Variants in GPATCH2 observed in about 807,000 individuals in gnomAD.
GPATCH2 encodes G patch domain-containing protein 2.
Under a neutral mutation model 58.0 loss-of-function variants are expected in GPATCH2, and 51 were observed. That is an observed-to-expected ratio of 0.88 (90% CI 0.70 to 1.11). The LOEUF (loss-of-function observed/expected upper bound fraction) is 1.11, where lower values mean the gene tolerates loss of function less well. Ranked by LOEUF, GPATCH2 falls within the 50% of genes most tolerant of loss-of-function variation. The pLI is 0.00. For missense variants in GPATCH2, 625 were observed against 652.2 expected, an observed-to-expected ratio of 0.96 and a Z score of 0.45; for synonymous variants, 222 against 218.5, an observed-to-expected ratio of 1.02 and a Z score of -0.14.
chr1:217,572,459 T>C lies in GPATCH2; in HGVS notation c.1098+37862A>G, dbSNP rs112403989. Among the ~76,000 whole-genome samples, 1,055 of 152,290 alleles carry C rather than the reference T, an allele frequency of 6.9e-3. 6 individuals carry two copies. The highest frequency in any genetic ancestry group is 0.011 in the Non-Finnish European group (731 of 68,020). On this transcript the variant is annotated intron_variant, in intron 5 of 9. Coordinates refer to ENST00000366935, the MANE Select transcript of GPATCH2 (RefSeq NM_018040.5). ...CAAGAATAACTTCAATCTGTAAAAA[T>C]GTATTATCTAGTTTTCAGGCTTCGT...
intron 1 of GPATCH2, among the ~76,000 whole-genome samples, chr1:217,626,986 A>G (rs1284974463): frequency 2.9e-5 from 4 of 138,430 alleles, no homozygotes; most frequent in South Asian, 2.1e-4. Context: ...TTCTCTAGGG[A>G]AAAAAAAAAG....
chr1:217,431,290 G>A lies in GPATCH2; in HGVS notation c.1442C>T (p.Thr481Met), dbSNP rs144680521. ...GNRMLQNMGW[T>M]PGSGLGRDGK... ...ATCTCGTCCAAGGCCTGACCCAGGC[G>A]TCCAGCCCATATTCTGAAGCATTCG... The change falls in exon 10 of 10, where the codon ACG becomes ATG. Residue 481 changes from threonine (T) to methionine (M), a missense_variant. Coordinates refer to ENST00000366935, the MANE Select transcript of GPATCH2 (RefSeq NM_018040.5). 8,585 of 1,607,328 alleles carry A rather than the reference G, an allele frequency of 5.3e-3. 26 individuals carry two copies. Among genetic ancestry groups the A allele is most frequent in the Non-Finnish European group, 6.4e-3 (7,457 of 1,173,770 alleles).
chr1:217,465,737 C>A (rs1571749670), intron 8 of GPATCH2, among the ~76,000 whole-genome samples: 1 of 152,136 alleles, frequency 6.6e-6, no homozygotes, highest in East Asian at 1.9e-4. Flanking sequence ...TCTTTCTTCC[C>A]AGTCTTGGGT....
chr1:217,449,273 G>A lies in GPATCH2; in HGVS notation c.1342C>T (p.Pro448Ser), dbSNP rs1470177750. The A allele has an allele frequency of 6.2e-7, 1 of 1,605,072 alleles. No homozygotes were observed. Residue 448 changes from proline (P) to serine (S), a missense_variant, in exon 9 of 10, where the codon CCT becomes TCT. Coordinates refer to ENST00000366935, the MANE Select transcript of GPATCH2 (RefSeq NM_018040.5). ...GDIKRRRKAA[P>S]LPGPTTAGFV... ...CCTGCAGTAGTAGGTCCAGGCAAAG[G>A]TGCAGCTTTTCTTCTCCGTTTGATA...
intron 6 of GPATCH2, among the ~76,000 whole-genome samples, chr1:217,514,046 C>T (rs1276621117): frequency 1.3e-5 from 2 of 151,834 alleles, no homozygotes; most frequent in Admixed American, 6.6e-5. Context: ...AGGCTGGTCT[C>T]GAACTCATGA....
At chr1:217,497,921 C>A (rs188147721) in intron 7 of GPATCH2, among the ~76,000 whole-genome samples, 2 of 152,278 alleles carry the variant, frequency 1.3e-5, no homozygotes, top group African/African-American at 4.8e-5. Flanking sequence ...TAAAAAAATT[C>A]ATCTAGAAAT....
rs1279219289 is a variant in GPATCH2, at chr1:217,428,112, GCA to G, written c.*3031_*3032del. On this transcript the variant is annotated 3_prime_UTR_variant, in exon 10 of 10. Transcript: ENST00000366935. The stretch of plus-strand genomic sequence containing the variant: ...GAAAAGAAGGAAACAAATGACTCCA[GCA>G]CACAGTCTGGTCATTATCAAGTATA... The G allele has an allele frequency of 1.3e-5, 2 of 152,264 alleles. No homozygotes were observed. Among genetic ancestry groups the G allele is most frequent in the South Asian group, 2.1e-4 (1 of 4,826 alleles). 9.4% of individuals were successfully genotyped at this position (152,264 alleles called of 1,614,324 possible).
chr1:217,445,844 G>C (rs1374412420), intron 9 of GPATCH2, among the ~76,000 whole-genome samples: 4 of 152,076 alleles, frequency 2.6e-5, no homozygotes, highest in Non-Finnish European at 5.9e-5. Flanking sequence ...CAAAGCTATT[G>C]CTAAAAGAGG....
At position 217,620,363 on chromosome 1, in the gene GPATCH2, C is replaced by T. The variant is rs760767947; in HGVS notation, c.193G>A (p.Ala65Thr). 11 of 1,613,978 alleles carry T rather than the reference C, an allele frequency of 6.8e-6. No individual in the cohort carries two copies. ...RSISCPLKRQ[A>T]RKRRGRKRRS... ...CGTTTTCTCCCTCTCCTTTTCCTTG[C>T]CTGGCGTTTCAGAGGGCAAGATATA... Residue 65 changes from alanine (A) to threonine (T), a missense_variant, in exon 2 of 10, where the codon GCA (alanine) becomes ACA (threonine). By Grantham distance (58) the Ala-to-Thr change is moderately conservative (BLOSUM62 0). Coordinates refer to ENST00000366935, the MANE Select transcript of GPATCH2 (RefSeq NM_018040.5).
Position 217,620,173 on chromosome 1 carries a change from G to A in GPATCH2, c.383C>T (p.Pro128Leu), listed in dbSNP as rs1251710925. 5.0e-6 allele frequency: 8 copies of A among 1,613,830 alleles called. No homozygotes were observed. The highest frequency in any genetic ancestry group is 1.7e-5 in the Admixed American group (1 of 60,006). The change falls in exon 2 of 10, where the codon CCG becomes CTG. Residue 128 changes from proline to leucine, a missense_variant. Coordinates refer to ENST00000366935, the MANE Select transcript of GPATCH2 (RefSeq NM_018040.5). ...DDQMLVAKRR[P>L]SSNLNNNVRG... ...AACATTATTATTTAAGTTTGATGACGGCCTGCGCTTTGCTACTAACATTTG... is the reference window on the plus strand; with the variant it reads ...AACATTATTATTTAAGTTTGATGACAGCCTGCGCTTTGCTACTAACATTTG...
At chr1:217,563,101 C>T (rs1462146545) in intron 5 of GPATCH2, among the ~76,000 whole-genome samples, 2 of 152,122 alleles carry the variant, frequency 1.3e-5, no homozygotes, top group Non-Finnish European at 2.9e-5. Flanking sequence ...TTAGACTATC[C>T]CACAAGTAAA....
At chr1:217,528,562 A>G (rs982158539) in intron 5 of GPATCH2, among the ~76,000 whole-genome samples, 1 of 152,186 alleles carries the variant, frequency 6.6e-6, no homozygotes, top group African/African-American at 2.4e-5. Context: ...CATTCTAATG[A>G]TCTCCATGCC....
chr1:217,554,378 T>A (rs1274267114), intron 5 of GPATCH2, among the ~76,000 whole-genome samples: 2 of 152,144 alleles, frequency 1.3e-5, no homozygotes, highest in Admixed American at 1.3e-4. Context: ...TAGTATGAAA[T>A]AGGCCCTATC....
chr1:217,630,959 C>A lies in GPATCH2; in HGVS notation c.13G>T (p.Ala5Ser). MFGA[A>S]GRQPIGAPAA... ...GGAGCTCCGATCGGTTGGCGCCCGG[C>A]GGCCCCGAACATTAACGACACCCGG... The change falls in exon 1 of 10, where the codon GCC becomes TCC. Residue 5 changes from alanine to serine, a missense_variant. Physicochemically the swap from Ala to Ser is moderately conservative, Grantham distance 99 (BLOSUM62 1). Coordinates refer to ENST00000366935, the MANE Select transcript of GPATCH2 (RefSeq NM_018040.5). 1.3e-6 allele frequency: 2 copies of A among 1,588,010 alleles called. No homozygotes were observed. Among genetic ancestry groups the A allele is most frequent in the Non-Finnish European group, 8.5e-7 (1 of 1,172,346 alleles).
chr1:217,602,660 T>C (rs142726829), intron 5 of GPATCH2, among the ~76,000 whole-genome samples: 294 of 152,094 alleles, frequency 1.9e-3, no homozygotes, highest in African/African-American at 6.9e-3. Flanking sequence ...GTGCTAGAAT[T>C]AGATCAGCAA....
intron 5 of GPATCH2, among the ~76,000 whole-genome samples, chr1:217,524,449 C>G (rs960707122): frequency 6.6e-6 from 1 of 151,696 alleles, no homozygotes; most frequent in Non-Finnish European, 1.5e-5. Flanking sequence ...CCTCACTTCC[C>G]AGACGGGGTG....
chr1:217,433,361 C>CACATATAT (rs1491151192), intron 9 of GPATCH2, among the ~76,000 whole-genome samples: 34 of 118,412 alleles, frequency 2.9e-4, no homozygotes, highest in African/African-American at 5.7e-4. Flanking sequence ...TTAAGCTGTT[C>CACATATAT]ATATATATAT....
intron 8 of GPATCH2, among the ~76,000 whole-genome samples, chr1:217,466,240 G>C (rs1660442929): frequency 6.7e-6 from 1 of 149,872 alleles, no homozygotes; most frequent in African/African-American, 2.5e-5. Flanking sequence ...TTTACGTATA[G>C]AACTAAAACT....
intron 1 of GPATCH2, among the ~76,000 whole-genome samples, chr1:217,624,939 T>C (rs1301301124): frequency 1.3e-5 from 2 of 152,198 alleles, no homozygotes; most frequent in African/African-American, 4.8e-5. Flanking sequence ...ATGAACAGAA[T>C]ACCCCAAAAC....
Sources: allele counts gnomAD v4.1 joint callset (sites outside exome capture counted in the v4.1 genomes callset), GRCh38; gene constraint gnomAD v4.1.1; transcripts MANE v1.5; gene names NCBI Gene and HGNC (gene_info 2026-07-23, HGNC 2026-07-21).